ZRANB3: variants seen among roughly 807,000 people sequenced by gnomAD.
ZRANB3 encodes zinc finger RANBP2-type containing 3, also known as DNA annealing helicase and endonuclease ZRANB3.
Under a neutral mutation model 133.8 loss-of-function variants are expected in ZRANB3, and 125 were observed. That is an observed-to-expected ratio of 0.93 (90% CI 0.81 to 1.08). The LOEUF (loss-of-function observed/expected upper bound fraction) is 1.08. Among genes scored for constraint, ZRANB3 ranks in the 50% least tolerant of loss-of-function variants. The pLI, the probability that ZRANB3 is intolerant of heterozygous loss-of-function variation, is 0.00. For missense variants in ZRANB3, 1,229 were observed against 1,275.5 expected (o/e 0.96, Z 0.56); for synonymous variants, 387 against 432.7 (o/e 0.89, Z 1.31).
At chr2:135,358,459 G>GA (rs1331180190) in intron 3 of ZRANB3, among the ~76,000 whole-genome samples, 2 of 152,016 alleles carry the variant, frequency 1.3e-5, no homozygotes, top group Non-Finnish European at 2.9e-5. Context: ...AGCTGAAAAG[G>GA]AAAAAACAAA....
intron 2 of ZRANB3, among the ~76,000 whole-genome samples, chr2:135,395,981 C>A (rs1687471207): frequency 6.6e-6 from 1 of 152,070 alleles, no homozygotes; most frequent in Non-Finnish European, 1.5e-5. Context: ...GGAAAAAAAT[C>A]TAATAATCCA....
intron 8 of ZRANB3, among the ~76,000 whole-genome samples, chr2:135,277,071 T>C (rs1013972955): frequency 1.3e-5 from 2 of 152,178 alleles, no homozygotes; most frequent in African/African-American, 2.4e-5. Flanking sequence ...ATATTGATGA[T>C]AGGTATATCC....
intron 8 of ZRANB3, among the ~76,000 whole-genome samples, chr2:135,289,741 A>G (rs1468457649): frequency 1.3e-5 from 2 of 152,144 alleles, no homozygotes; most frequent in Non-Finnish European, 2.9e-5. Flanking sequence ...CATCTCTACT[A>G]AAAATACAAA....
chr2:135,256,556 A>C (rs1679664825), intron 12 of ZRANB3, among the ~76,000 whole-genome samples: 1 of 152,004 alleles, frequency 6.6e-6, no homozygotes, highest in Admixed American at 6.6e-5. Context: ...TCGAACTCCC[A>C]ACCTCAGGTG....
rs182380479 is a variant in ZRANB3, at chr2:135,345,498, T to C, written c.677+52A>G. 28 of 1,246,422 alleles carry C rather than the reference T, an allele frequency of 2.2e-5. No homozygotes were observed. In the Admixed American group the frequency reaches 2.8e-4, roughly 12 times the overall value. 77.2% of individuals were successfully genotyped at this position (1,246,422 alleles called of 1,614,324 possible). ...AAAAAAAGAATGATTAATAAAGCAA[T>C]GTTCACAGTAAACATGTGAGGAAAA... On this transcript the variant is annotated intron_variant, in intron 6 of 20. Coordinates refer to ENST00000264159, the MANE Select transcript of ZRANB3 (RefSeq NM_032143.4).
At chr2:135,526,040 T>C (rs1377427745) in intron 1 of ZRANB3, among the ~76,000 whole-genome samples, 3 of 151,986 alleles carry the variant, frequency 2.0e-5, no homozygotes, top group Non-Finnish European at 2.9e-5. Flanking sequence ...GTGCAAAGGA[T>C]ACAGGGGAGT....
At chr2:135,287,670 C>CTTTTTTTTT (rs59739293) in intron 8 of ZRANB3, among the ~76,000 whole-genome samples, 5,037 of 96,900 alleles carry the variant, frequency 0.052, 174 homozygotes, top group African/African-American at 0.085. Flanking sequence ...TATTTCTTTC[C>CTTTTTTTTT]TTTTTTTTTT....
intron 13 of ZRANB3, among the ~76,000 whole-genome samples, chr2:135,228,485 T>A (rs1694852654): frequency 6.6e-6 from 1 of 152,080 alleles, no homozygotes; most frequent in Non-Finnish European, 1.5e-5. Flanking sequence ...CTGGAAGCCA[T>A]TAAAGAGTTT....
At chr2:135,402,030 T>A (rs1437771997) in intron 2 of ZRANB3, among the ~76,000 whole-genome samples, 1 of 152,032 alleles carries the variant, frequency 6.6e-6, no homozygotes, top group Non-Finnish European at 1.5e-5. Context: ...TTTGAAAATT[T>A]TTCATATTTT....
At position 135,360,803 on chromosome 2, in the gene ZRANB3, C is replaced by T. The variant is rs567557534; in HGVS notation, c.181-7175G>A. ...TTTTGAGACAGGCTCTCACTGTCAC[C>T]CAGGTTGGAGTGCTGTGGCCTGGCC... On this transcript the variant is annotated intron_variant, in intron 3 of 20. Coordinates refer to ENST00000264159, the MANE Select transcript of ZRANB3 (RefSeq NM_032143.4). Among the ~76,000 whole-genome samples, 16 of 152,214 alleles carry T rather than the reference C, an allele frequency of 1.1e-4. No individual in the cohort carries two copies. In the South Asian group the frequency reaches 3.1e-3, roughly 30 times the overall value.
intron 2 of ZRANB3, among the ~76,000 whole-genome samples, chr2:135,428,770 A>G (rs527728467): frequency 1.3e-5 from 2 of 152,354 alleles, no homozygotes; most frequent in African/African-American, 4.8e-5. Context: ...AAGGCCAATA[A>G]GCATATGCAA....
intron 2 of ZRANB3, among the ~76,000 whole-genome samples, chr2:135,498,646 C>T (rs57933143): frequency 0.068 from 10,338 of 152,276 alleles, 725 homozygotes; most frequent in African/African-American, 0.18. Flanking sequence ...GGCCATATCT[C>T]TCTTCTTTCA....
rs1177090524 is a variant in ZRANB3, at chr2:135,199,126, T to C, written c.*1216A>G. The stretch of plus-strand genomic sequence containing the variant: ...ATTACATTTTAATGTTATTATTGTA[T>C]ATTTAAATGCATATAACCATCTGAT... On this transcript the variant is annotated 3_prime_UTR_variant, in exon 21 of 21. Coordinates refer to ENST00000264159, the MANE Select transcript of ZRANB3 (RefSeq NM_032143.4). 1 of 152,256 alleles carries C rather than the reference T, an allele frequency of 6.6e-6. No individual in the cohort carries two copies. The highest frequency in any genetic ancestry group is 1.5e-5 in the Non-Finnish European group (1 of 68,036). 9.4% of individuals were successfully genotyped at this position (152,256 alleles called of 1,614,324 possible). A position where few individuals can be genotyped will look rare whatever the true frequency, so the allele number is the denominator to read the frequency against.
intron 2 of ZRANB3, among the ~76,000 whole-genome samples, chr2:135,399,752 A>C (rs1472908737): frequency 6.6e-6 from 1 of 152,180 alleles, no homozygotes; most frequent in Non-Finnish European, 1.5e-5. Context: ...CATGCTTTTG[A>C]ATGAGAAAGA....
In ZRANB3 at chr2:135,275,711, A is replaced by G. The variant is rs1399068913; in HGVS notation, c.1011T>C (p.Asp337=). ...KDYIKMMLQN[D]SLKFLVFAHH... Reference sequence around the variant, plus strand: ...GAGCAAAAACCAGAAATTTAAGCGAATCATTCTGAAGCATCATCTTAATAT... The same window carrying G: ...GAGCAAAAACCAGAAATTTAAGCGAGTCATTCTGAAGCATCATCTTAATAT... The change falls in exon 9 of 21, where the codon GAT becomes GAC. Residue 337 remains aspartate (D), a synonymous_variant. Coordinates refer to ENST00000264159, the MANE Select transcript of ZRANB3 (RefSeq NM_032143.4). 6.2e-7 allele frequency: 1 copy of G among 1,605,750 alleles called. No individual in the cohort carries two copies. Among genetic ancestry groups the G allele is most frequent in the Admixed American group, 1.7e-5 (1 of 59,420 alleles).
chr2:135,345,747 T>C, intron 5 of ZRANB3, 112 bp from the exon 6 acceptor site: 1 of 718,834 alleles, frequency 1.4e-6, no homozygotes, highest in Middle Eastern at 4.0e-4. Flanking sequence ...AATCCAACTG[T>C]TTATTCCTCA....
intron 12 of ZRANB3, among the ~76,000 whole-genome samples, chr2:135,233,012 T>C (rs1695107092): frequency 6.6e-6 from 1 of 152,124 alleles, no homozygotes; most frequent in African/African-American, 2.4e-5. Flanking sequence ...AGGAGGAAGT[T>C]TCAGCCAATG....
intron 2 of ZRANB3, among the ~76,000 whole-genome samples, chr2:135,428,977 G>A (rs1324581132): frequency 6.6e-6 from 1 of 152,202 alleles, no homozygotes; most frequent in Non-Finnish European, 1.5e-5. Flanking sequence ...GCACTTTGGA[G>A]ATTTCTCAAA....
chr2:135,482,542 T>C (rs1265594026), intron 2 of ZRANB3, among the ~76,000 whole-genome samples: 1 of 151,492 alleles, frequency 6.6e-6, no homozygotes, highest in African/African-American at 2.4e-5. Flanking sequence ...TTTCTAGATA[T>C]ACAATCATGT....
Sources: gnomAD v4.1 joint callset for allele counts (sites outside exome capture counted in the v4.1 genomes callset) on GRCh38, gnomAD v4.1.1 for gene constraint, MANE v1.5 for transcripts, NCBI Gene and HGNC (gene_info 2026-07-23, HGNC 2026-07-21) for gene names.